Variants in DENND5A observed in about 807,000 individuals in gnomAD.
DENND5A encodes the protein DENN domain containing 5A.
Under a neutral mutation model 140.3 loss-of-function variants are expected in DENND5A, and 64 were observed. The ratio of observed to expected loss-of-function variants is 0.46; its 90% CI spans 0.37 to 0.56. The LOEUF (loss-of-function observed/expected upper bound fraction) is 0.56. Ranked by LOEUF, DENND5A falls within the 20% of genes least tolerant of loss-of-function variation. DENND5A has a pLI of 0.00. For synonymous variants in DENND5A, 605 were observed against 607.7 expected, an observed-to-expected ratio of 1.00 and a Z score of 0.07; for missense variants, 1,292 against 1,593.8, an observed-to-expected ratio of 0.81 and a Z score of 3.22.
intron 1 of DENND5A, among the ~76,000 whole-genome samples, chr11:9,227,121 T>C (rs1377566503): frequency 6.6e-6 from 1 of 151,820 alleles, no homozygotes; most frequent in African/African-American, 2.4e-5. Flanking sequence ...TAAGGTGAGA[T>C]CACGCCATTG....
At chr11:9,140,138 G>A in intron 22 of DENND5A, 3 of 1,434,754 alleles carry the variant, frequency 2.1e-6, no homozygotes, top group South Asian at 2.4e-5. Flanking sequence ...GTCTCCCAGA[G>A]CTTCTCTCCT....
At chr11:9,143,559 G>A (rs757849617) in intron 19 of DENND5A, 74 bp from the exon 20 acceptor site, 18 of 1,257,380 alleles carry the variant, frequency 1.4e-5, no homozygotes, top group Non-Finnish European at 2.0e-5. Context: ...GCAGGAGACT[G>A]AGGACACGGG....
intron 1 of DENND5A, among the ~76,000 whole-genome samples, chr11:9,251,154 AAAAG>A (rs1213385182): frequency 2.7e-5 from 4 of 147,446 alleles, no homozygotes; most frequent in East Asian, 1.9e-4. Context: ...AAAAAAAAAA[AAAAG>A]AAAGAAAGAT....
rs190946584 is a variant in DENND5A, at chr11:9,195,327, C to T, written c.950-1646G>A. On this transcript the variant is annotated intron_variant, in intron 4 of 22. Transcript: ENST00000328194. Reference sequence around the variant, plus strand: ...CCAACCTCAGGTGATCCGCCTGCCTCGGCCTCCCAAAGTGCTGGGATTACA... The same window carrying T: ...CCAACCTCAGGTGATCCGCCTGCCTTGGCCTCCCAAAGTGCTGGGATTACA... Among the ~76,000 whole-genome samples the T allele has an allele frequency of 4.6e-4, 70 of 152,234 alleles. No individual in the cohort carries two copies. In the East Asian group the frequency reaches 0.013, roughly 27 times the overall value.
chr11:9,170,548 G>C, intron 9 of DENND5A, 79 bp downstream of exon 9: 1 of 1,540,492 alleles, frequency 6.5e-7, no homozygotes. Flanking sequence ...TCTTCTAGGG[G>C]TAACAGCCCT....
At chr11:9,180,117 T>C (rs1458514908) in intron 6 of DENND5A, among the ~76,000 whole-genome samples, 4 of 152,158 alleles carry the variant, frequency 2.6e-5, no homozygotes, top group Admixed American at 2.6e-4. Context: ...AAACCTGTTC[T>C]ATCTGCCTTA....
chr11:9,256,684 C>A (rs1385986229), intron 1 of DENND5A, among the ~76,000 whole-genome samples: 1 of 151,988 alleles, frequency 6.6e-6, no homozygotes, highest in Non-Finnish European at 1.5e-5. Flanking sequence ...CAAAAACAGG[C>A]AAATCTATAG....
chr11:9,181,622 C>G (rs1195781752), intron 5 of DENND5A, among the ~76,000 whole-genome samples: 1 of 152,120 alleles, frequency 6.6e-6, no homozygotes. Context: ...CCTACAGTCC[C>G]AGCTACTTGA....
intron 5 of DENND5A, among the ~76,000 whole-genome samples, chr11:9,187,138 AAATTACTACACTCATACAATAGTC>A (rs1465594382): frequency 1.3e-5 from 2 of 152,006 alleles, no homozygotes; most frequent in Non-Finnish European, 2.9e-5. Flanking sequence ...GTAAAAAAGC[AAATTACTACACTCATACAATAGTC>A]AATTACTAGA....
chr11:9,167,057 A>G (rs961947845), intron 10 of DENND5A, among the ~76,000 whole-genome samples: 4 of 152,180 alleles, frequency 2.6e-5, no homozygotes, highest in African/African-American at 9.7e-5. Context: ...TGCACACTCA[A>G]AACAACAACT....
intron 1 of DENND5A, among the ~76,000 whole-genome samples, chr11:9,256,792 G>A (rs1296465899): frequency 6.6e-6 from 1 of 152,160 alleles, no homozygotes; most frequent in Admixed American, 6.6e-5. Context: ...TCAGGGGAGA[G>A]TGATTAATAC....
At chr11:9,231,658 T>C (rs1403072573) in intron 1 of DENND5A, among the ~76,000 whole-genome samples, 1 of 138,334 alleles carries the variant, frequency 7.2e-6, no homozygotes, top group Non-Finnish European at 1.5e-5. Context: ...GAGGTTGCAG[T>C]GAGCCGAGAT....
At chr11:9,175,743 T>C (rs896368973) in intron 8 of DENND5A, 9 of 152,022 alleles carry the variant, frequency 5.9e-5, no homozygotes, top group African/African-American at 2.2e-4. Context: ...AGAGAAAGGA[T>C]GGTCTTTTCA....
At chr11:9,188,817 A>C (rs921800753) in intron 5 of DENND5A, among the ~76,000 whole-genome samples, 2 of 152,194 alleles carry the variant, frequency 1.3e-5, no homozygotes, top group Non-Finnish European at 2.9e-5. Context: ...TCAGTTTTAA[A>C]AGGGAAACAG....
rs184199467 is a variant in DENND5A, at chr11:9,252,717, T to C, written c.109+12244A>G. Among the ~76,000 whole-genome samples, 72 of 152,246 alleles carry C rather than the reference T, an allele frequency of 4.7e-4. 3 individuals carry two copies. The East Asian group carries it at 0.011, about 22-fold the overall frequency. Reference sequence around the variant, plus strand: ...TCTGAAAGGCAAGCCTCTTTCTCACTGGACATTAGGCCATCTCTAGCAGGA... The same window carrying C: ...TCTGAAAGGCAAGCCTCTTTCTCACCGGACATTAGGCCATCTCTAGCAGGA... On this transcript the variant is annotated intron_variant, in intron 1 of 22. Coordinates refer to ENST00000328194, the MANE Select transcript of DENND5A (RefSeq NM_015213.4).
intron 1 of DENND5A, among the ~76,000 whole-genome samples, chr11:9,262,141 C>T (rs1455791661): frequency 6.6e-6 from 1 of 152,060 alleles, no homozygotes; most frequent in Non-Finnish European, 1.5e-5. Flanking sequence ...TGAAGGTCTA[C>T]TTGATGAGAT....
intron 1 of DENND5A, among the ~76,000 whole-genome samples, chr11:9,255,025 C>A (rs982401088): frequency 1.3e-5 from 2 of 151,822 alleles, no homozygotes; most frequent in Admixed American, 6.6e-5. Flanking sequence ...GAGCCAAGAT[C>A]GTGCTACTGC....
At chr11:9,150,028 C>A in intron 15 of DENND5A, 53 bp downstream of exon 15, 1 of 1,563,094 alleles carries the variant, frequency 6.4e-7, no homozygotes, top group Non-Finnish European at 8.6e-7. Flanking sequence ...AGTTTCCAAT[C>A]TCTTCCCTCC....
chr11:9,212,027 G>C lies in DENND5A; in HGVS notation c.110-4395C>G, dbSNP rs138979304. On this transcript the variant is annotated intron_variant, in intron 1 of 22. Transcript: ENST00000328194. The stretch of plus-strand genomic sequence containing the variant: ...GATTGGAAATGACAGGAGAGATACT[G>C]ACCTTGAAAAATGAACAACAAAAAT... Among the ~76,000 whole-genome samples the C allele has an allele frequency of 2.9e-3, 435 of 151,578 alleles. 1 individual carries two copies. The highest frequency in any genetic ancestry group is 0.01 in the African/African-American group (423 of 41,374).
Sources: allele counts gnomAD v4.1 joint callset (sites outside exome capture counted in the v4.1 genomes callset), GRCh38; gene constraint gnomAD v4.1.1; transcripts MANE v1.5; gene names NCBI Gene and HGNC (gene_info 2026-07-23, HGNC 2026-07-21).